The following GRIN3B variants were observed in gnomAD, a reference collection of about 807,000 sequenced individuals.
GRIN3B encodes glutamate ionotropic receptor NMDA type subunit 3B.
GRIN3B carries 77 observed loss-of-function variants against 66.0 expected under a neutral mutation model. That is an observed-to-expected ratio of 1.17 (90% CI 0.97 to 1.41). The LOEUF (loss-of-function observed/expected upper bound fraction) is 1.41. GRIN3B is among the 40% of genes most tolerant of loss of function. The pLI, the probability that GRIN3B is intolerant of heterozygous loss-of-function variation, is 0.00. For missense variants in GRIN3B, 1,787 were observed against 1,564.5 expected, an observed-to-expected ratio of 1.14 and a Z score of -2.40; for synonymous variants, 823 against 749.7, an observed-to-expected ratio of 1.10 and a Z score of -1.60.
chr19:1,005,563 C>G lies in GRIN3B; in HGVS notation c.2052+10C>G. On this transcript the variant is annotated intron_variant, in intron 3 of 8. Coordinates refer to ENST00000234389, the MANE Select transcript of GRIN3B (RefSeq NM_138690.3). This position sits in a 1 kb window ranked among gnomAD's most constrained non-coding sequence, Gnocchi z 5.2. ...GATCCACGACCCCAAGGTGGGCGGC[C>G]TCGGGGGGCTGCGGGTGGCCTTGGG... The G allele has an allele frequency of 6.4e-7, 1 of 1,557,310 alleles. No individual in the cohort carries two copies. Among genetic ancestry groups the G allele is most frequent in the African/African-American group, 1.4e-5 (1 of 73,928 alleles).
chr19:1,002,934 G>T (rs901845016), intron 1 of GRIN3B, among the ~76,000 whole-genome samples, 196 bp from the exon 2 acceptor site: 4 of 152,138 alleles, frequency 2.6e-5, no homozygotes, highest in Admixed American at 1.3e-4. Flanking sequence ...GCCAAGAGAG[G>T]CTGGGAGACT....
intron 8 of GRIN3B, 112 bp downstream of exon 8, chr19:1,009,039 C>A (rs1240971416): frequency 1.4e-6 from 2 of 1,457,924 alleles, no homozygotes; most frequent in African/African-American, 1.4e-5. Flanking sequence ...GTCCCCCGCC[C>A]ACCCCCGGAC....
chr19:1,001,226 T>A (rs1359627983), intron 1 of GRIN3B, among the ~76,000 whole-genome samples: 1 of 151,774 alleles, frequency 6.6e-6, no homozygotes, highest in Non-Finnish European at 1.5e-5. Context: ...CACAGACCCT[T>A]CCCTGGTCCC....
Position 1,000,532 on chromosome 19 carries a change from G to A in GRIN3B, c.95G>A (p.Arg32His). 1 of 1,168,598 alleles carries A rather than the reference G, an allele frequency of 8.6e-7. No individual in the cohort carries two copies. The highest frequency in any genetic ancestry group is 4.2e-5 in the South Asian group (1 of 23,806). The allele number at this position is 1,168,598 out of a possible 1,614,324, so 72.4% of individuals were successfully genotyped here. The part of the protein sequence containing the change: ...GHPQPCGVLA[R>H]LGGSVRLGAL... ...CCTCAGCCGTGCGGCGTCCTGGCGCGCCTCGGGGGCTCCGTGCGCCTGGGC... is the reference window on the plus strand; with the variant it reads ...CCTCAGCCGTGCGGCGTCCTGGCGCACCTCGGGGGCTCCGTGCGCCTGGGC... Residue 32 changes from arginine to histidine, a missense_variant, in exon 1 of 9, where the codon CGC becomes CAC. By Grantham distance (29) the Arg-to-His change is conservative. Coordinates refer to ENST00000234389, the MANE Select transcript of GRIN3B (RefSeq NM_138690.3).
At position 1,007,890 on chromosome 19, in the gene GRIN3B, G is replaced by C. The variant is rs1359777027; in HGVS notation, c.2233G>C (p.Asp745His). Residue 745 changes from aspartate (D) to histidine (H), a missense_variant, in exon 5 of 9, where the codon GAC (aspartate) becomes CAC (histidine). Physicochemically the swap from Asp to His is moderately conservative, Grantham distance 81. Transcript: ENST00000234389. This position sits in a 1 kb window ranked among gnomAD's most constrained non-coding sequence, Gnocchi z 4.4. The stretch of plus-strand genomic sequence containing the variant: ...CCCCAAGCTCAACGCCTTCATCATG[G>C]ACAAGTCGCTCCTGGACTACGAGGT... ...DPPKLNAFIM[D>H]KSLLDYEVSI... The C allele has an allele frequency of 6.2e-7, 1 of 1,611,654 alleles. No homozygotes were observed. The highest frequency in any genetic ancestry group is 8.5e-7 in the Non-Finnish European group (1 of 1,179,402).
Position 1,000,680 on chromosome 19 carries a change from C to A in GRIN3B, c.243C>A (p.Ala81=). 7.4e-7 allele frequency: 1 copy of A among 1,351,096 alleles called. No individual in the cohort carries two copies. The allele number at this position is 1,351,096 out of a possible 1,614,324, so 83.7% of individuals were successfully genotyped here. The change falls in exon 1 of 9, where the codon GCC becomes GCA. Residue 81 remains alanine, a synonymous_variant. Coordinates refer to ENST00000234389, the MANE Select transcript of GRIN3B (RefSeq NM_138690.3). ...SLELVVAAPP[A]RDPASLTRGL... is the part of the protein sequence containing the mutation. ...AGCTGGTGGTCGCCGCGCCCCCCGCCCGCGACCCCGCCTCGCTGACCCGCG... is the reference window on the plus strand; with the variant it reads ...AGCTGGTGGTCGCCGCGCCCCCCGCACGCGACCCCGCCTCGCTGACCCGCG...
At chr19:1,009,007 G>A (rs1055931420) in intron 8 of GRIN3B, 80 bp downstream of exon 8, 4 of 1,523,408 alleles carry the variant, frequency 2.6e-6, no homozygotes, top group African/African-American at 1.4e-5. Context: ...AGCCGGCCGC[G>A]GGGTGCAGGA....
chr19:1,008,543 T>C, intron 6 of GRIN3B, 75 bp from the exon 7 acceptor site: 1 of 1,515,658 alleles, frequency 6.6e-7, no homozygotes, highest in Non-Finnish European at 8.9e-7. Context: ...GCCCAACCTG[T>C]TCTCCCCTAG....
intron 2 of GRIN3B, 82 bp from the exon 3 acceptor site, chr19:1,004,439 A>ATG: frequency 8.1e-7 from 1 of 1,227,598 alleles, no homozygotes; most frequent in African/African-American, 1.5e-5. Flanking sequence ...GACCAGTGGG[A>ATG]ATCGGGCACG....
Position 1,009,412 on chromosome 19 carries a change from G to A in GRIN3B, c.2942G>A (p.Gly981Glu). 1 of 1,437,252 alleles carries A rather than the reference G, an allele frequency of 7.0e-7. No homozygotes were observed. Among genetic ancestry groups the A allele is most frequent in the East Asian group, 3.0e-5 (1 of 32,792 alleles). The allele number at this position is 1,437,252 out of a possible 1,614,324, so 89.0% of individuals were successfully genotyped here. The change falls in exon 9 of 9, where the codon GGG becomes GAG. Residue 981 changes from glycine to glutamate, a missense_variant. Gly to Glu is a moderately conservative substitution (Grantham distance 98). Coordinates refer to ENST00000234389, the MANE Select transcript of GRIN3B (RefSeq NM_138690.3). ...AARPTGAPQP[G>E]ELQELERRIE... The stretch of plus-strand genomic sequence containing the variant: ...AGGCCCACGGGGGCCCCCCAGCCCG[G>A]GGAGCTGCAGGAGCTGGAGCGCCGC...
chr19:1,008,972 C>G, intron 8 of GRIN3B, 45 bp downstream of exon 8: 1 of 1,555,734 alleles, frequency 6.4e-7, no homozygotes, highest in Non-Finnish European at 8.7e-7. Flanking sequence ...CCACCCAGAC[C>G]CACCACCCCA....
intron 8 of GRIN3B, 93 bp downstream of exon 8, chr19:1,009,020 T>C (rs2038802283): frequency 1.3e-6 from 2 of 1,485,066 alleles, no homozygotes; most frequent in East Asian, 5.0e-5. Context: ...GTGCAGGAGG[T>C]TCCCGGAGGT....
At position 1,008,311 on chromosome 19, in the gene GRIN3B, A is replaced by G. The variant is rs1568393354; in HGVS notation, c.2466+20A>G. 7 of 177,464 alleles carry G rather than the reference A, an allele frequency of 3.9e-5. No homozygotes were observed. Among genetic ancestry groups the G allele is most frequent in the Non-Finnish European group, 6.9e-5 (7 of 101,098 alleles). The allele number at this position is 177,464 out of a possible 1,614,324, so 11.0% of individuals were successfully genotyped here. A position where few individuals can be genotyped will look rare whatever the true frequency, so the allele number is the denominator to read the frequency against. ...ACAGAGGTGGGGCAGGGCCTGGGAC[A>G]GAGGGTGGGGGTGGGGGTGGGCGTG... On this transcript the variant is annotated intron_variant, in intron 6 of 8. Coordinates refer to ENST00000234389, the MANE Select transcript of GRIN3B (RefSeq NM_138690.3).
In GRIN3B at chr19:1,008,856, G is replaced by C. The variant is rs372236209; in HGVS notation, c.2632-1G>C. ...CCAACCGGGTCTGTCTGGGGTCTTA[G>C]AAAATCCACCGCGCCCTCAACACGG... On this transcript the variant is annotated splice_acceptor_variant, in intron 7 of 8. Transcript: ENST00000234389. LOFTEE classifies it high-confidence loss of function. 1 of 1,607,772 alleles carries C rather than the reference G, an allele frequency of 6.2e-7. No individual in the cohort carries two copies. The highest frequency in any genetic ancestry group is 8.5e-7 in the Non-Finnish European group (1 of 1,177,440).
chr19:1,009,592 G>A lies in GRIN3B; in HGVS notation c.3122G>A (p.Ser1041Asn). The change falls in exon 9 of 9, where the codon AGC becomes AAC. Residue 1041 changes from serine to asparagine, a missense_variant. Coordinates refer to ENST00000234389, the MANE Select transcript of GRIN3B (RefSeq NM_138690.3). The stretch of plus-strand genomic sequence containing the variant: ...CCACCACACTCTGGCCGACCGGGGA[G>A]CCAGGAATGAGGCGGCAGCCGGGCC... ...EAPPHSGRPG[S>N]QE The A allele has an allele frequency of 7.0e-7, 1 of 1,435,310 alleles. No homozygotes were observed. Among genetic ancestry groups the A allele is most frequent in the African/African-American group, 1.5e-5 (1 of 67,162 alleles). The allele number at this position is 1,435,310 out of a possible 1,614,324, so 88.9% of individuals were successfully genotyped here.
rs1193415635 is a variant in GRIN3B at position 1,005,162 on chromosome 19, G to T, written c.1661G>T (p.Gly554Val). ...FTSPFFSTSL[G>V]IMVRARDTAS... The stretch of plus-strand genomic sequence containing the variant: ...AGCCCCTTCTTCTCCACCAGCCTGG[G>T]CATCATGGTGCGGGCACGGGACACG... The change falls in exon 3 of 9, where the codon GGC becomes GTC. Residue 554 changes from glycine (G) to valine (V), a missense_variant. Gly to Val is a moderately radical substitution (Grantham distance 109, BLOSUM62 -3). Transcript: ENST00000234389. This position sits in a 1 kb window ranked among gnomAD's most constrained non-coding sequence, Gnocchi z 5.2. 6.2e-7 allele frequency: 1 copy of T among 1,613,476 alleles called. No homozygotes were observed. The highest frequency in any genetic ancestry group is 1.1e-5 in the South Asian group (1 of 91,082).
At position 1,004,504 on chromosome 19, in the gene GRIN3B, C is replaced by A. The variant is rs1410452869; in HGVS notation, c.1020-17C>A. The A allele has an allele frequency of 4.5e-6, 7 of 1,556,224 alleles. No individual in the cohort carries two copies. The East Asian group carries it at 1.7e-4, about 37-fold the overall frequency. On this transcript the variant is annotated splice_polypyrimidine_tract_variant and intron_variant, in intron 2 of 8. Coordinates refer to ENST00000234389, the MANE Select transcript of GRIN3B (RefSeq NM_138690.3). The stretch of plus-strand genomic sequence containing the variant: ...TGTGAACTTCGACACCTGACACCCC[C>A]CCCGCCCTGCCCCTAGGTTCCTGGC...
At chr19:1,000,933 G>A in intron 1 of GRIN3B, 70 bp downstream of exon 1, 3 of 1,315,858 alleles carry the variant, frequency 2.3e-6, no homozygotes, top group East Asian at 6.3e-5. Flanking sequence ...CCCTGGGGAC[G>A]TCCGGAGTCA....
chr19:1,005,015 A>G lies in GRIN3B; in HGVS notation c.1514A>G (p.Tyr505Cys). The G allele has an allele frequency of 1.2e-6, 2 of 1,611,984 alleles. No individual in the cohort carries two copies. The highest frequency in any genetic ancestry group is 1.7e-6 in the Non-Finnish European group (2 of 1,179,496). ...CTGTACCTCGTGGGTGACGGCAAGTACGGCGCCCTGCGGGACGGCCGCTGG... is the reference window on the plus strand; with the variant it reads ...CTGTACCTCGTGGGTGACGGCAAGTGCGGCGCCCTGCGGGACGGCCGCTGG... ...FELYLVGDGKYGALRDGRWTG... is the reference protein window; with the variant it reads ...FELYLVGDGKCGALRDGRWTG... Residue 505 changes from tyrosine (Y) to cysteine (C), a missense_variant, in exon 3 of 9, where the codon TAC becomes TGC. Coordinates refer to ENST00000234389, the MANE Select transcript of GRIN3B (RefSeq NM_138690.3). This position sits in a 1 kb window ranked among gnomAD's most constrained non-coding sequence, Gnocchi z 5.2.
Sources: gnomAD v4.1 joint callset for allele counts (sites outside exome capture counted in the v4.1 genomes callset) on GRCh38, gnomAD v4.1.1 for gene constraint, Gnocchi (gnomAD v3.1) non-coding constraint, MANE v1.5 for transcripts, NCBI Gene and HGNC (gene_info 2026-07-23, HGNC 2026-07-21) for gene names.